GHR: variants seen among roughly 807,000 people sequenced by gnomAD.
GHR encodes the protein growth hormone receptor.
In GHR, 35 loss-of-function variants were observed where a neutral mutation model predicts 67.1. The ratio of observed to expected loss-of-function variants is 0.52; its 90% CI spans 0.40 to 0.69. GHR has a LOEUF of 0.69. GHR is among the 30% of genes least tolerant of loss of function. The pLI, the probability that GHR is intolerant of heterozygous loss-of-function variation, is 0.00. For synonymous variants in GHR, 272 were observed against 269.1 expected, an observed-to-expected ratio of 1.01 and a Z score of -0.10; for missense variants, 792 against 764.6, an observed-to-expected ratio of 1.04 and a Z score of -0.42.
intron 1 of GHR, among the ~76,000 whole-genome samples, chr5:42,551,067 G>T (rs1234176085): frequency 1.3e-5 from 2 of 152,182 alleles, no homozygotes; most frequent in African/African-American, 4.8e-5. Context: ...TCCACTGACA[G>T]ATCCCCTCCC....
chr5:42,432,293 T>A (rs1377350531), intron 1 of GHR, among the ~76,000 whole-genome samples: 1 of 152,206 alleles, frequency 6.6e-6, no homozygotes, highest in Non-Finnish European at 1.5e-5. Flanking sequence ...GCCATATCAA[T>A]GAAAGTAGAG....
At position 42,632,110 on chromosome 5, in the gene GHR, C is replaced by G. The variant is rs147951886; in HGVS notation, c.136+3007C>G. 1.7e-4 allele frequency among the ~76,000 whole-genome samples: 26 copies of G among 152,186 alleles called. No individual in the cohort carries two copies. The South Asian group carries it at 2.7e-3, about 16-fold the overall frequency. On this transcript the variant is annotated intron_variant, in intron 3 of 9. Transcript: ENST00000230882. The stretch of plus-strand genomic sequence containing the variant: ...CTAAGTAAATATCTTTAGTGCTCTC[C>G]CTACTACCTAAACATTAAACTTCAA...
At chr5:42,443,939 T>TGATATAGATATAGATATAGATAGATATA (rs1743691765) in intron 1 of GHR, among the ~76,000 whole-genome samples, 2 of 145,950 alleles carry the variant, frequency 1.4e-5, no homozygotes, top group Non-Finnish European at 3.0e-5. Context: ...CCAGCCAAGG[T>TGATATAGATATAGATATAGATAGATATA]GATATAGATA....
intron 2 of GHR, among the ~76,000 whole-genome samples, chr5:42,592,168 A>G (rs35164552): frequency 0.12 from 17,573 of 152,114 alleles, 1,452 homozygotes; most frequent in Non-Finnish European, 0.16. Context: ...TCACGATGTG[A>G]ATCTTCACAT....
In GHR at chr5:42,572,723, C is replaced by T. The variant is rs1750400706; in HGVS notation, c.70+6779C>T. ...TTATATAACAATTTAACTTAAGCCT[C>T]AACCTTCACAGTGTACGCATCACAT... is the stretch of plus-strand genomic sequence containing the variant. On this transcript the variant is annotated intron_variant, in intron 2 of 9. Coordinates refer to ENST00000230882, the MANE Select transcript of GHR (RefSeq NM_000163.5). 2.6e-5 allele frequency among the ~76,000 whole-genome samples: 4 copies of T among 152,176 alleles called. No homozygotes were observed. In the South Asian group the frequency reaches 8.3e-4, roughly 32 times the overall value.
intron 3 of GHR, among the ~76,000 whole-genome samples, chr5:42,639,933 A>C (rs954989500): frequency 3.9e-5 from 6 of 152,184 alleles, no homozygotes; most frequent in Non-Finnish European, 7.3e-5. Flanking sequence ...AAATTACCTG[A>C]GAGCAATTGA....
At chr5:42,499,285 G>C (rs1311703871) in intron 1 of GHR, among the ~76,000 whole-genome samples, 2 of 152,174 alleles carry the variant, frequency 1.3e-5, no homozygotes, top group African/African-American at 2.4e-5. Context: ...TGGAACTCTA[G>C]CTGGGTAGGG....
intron 2 of GHR, among the ~76,000 whole-genome samples, chr5:42,616,550 G>C (rs1753159869): frequency 1.3e-5 from 2 of 152,002 alleles, no homozygotes; most frequent in Admixed American, 6.6e-5. Flanking sequence ...ACCAACTGAA[G>C]ATACTGAAGA....
At chr5:42,714,962 G>A (rs1758648382) in intron 8 of GHR, among the ~76,000 whole-genome samples, 1 of 152,070 alleles carries the variant, frequency 6.6e-6, no homozygotes, top group African/African-American at 2.4e-5. Flanking sequence ...CATTGTGAAG[G>A]CCAAGTCAAT....
At chr5:42,435,376 T>C (rs1743279339) in intron 1 of GHR, among the ~76,000 whole-genome samples, 1 of 152,204 alleles carries the variant, frequency 6.6e-6, no homozygotes, top group South Asian at 2.1e-4. Context: ...AACTTAGATT[T>C]TAAAGTCAAT....
chr5:42,593,013 T>C (rs184458521), intron 2 of GHR, among the ~76,000 whole-genome samples: 62 of 152,234 alleles, frequency 4.1e-4, no homozygotes, highest in Non-Finnish European at 7.1e-4. Flanking sequence ...TATTTTTTCA[T>C]ATGCTTATTT....
intron 9 of GHR, 29 bp from the exon 10 acceptor site, chr5:42,718,424 T>C (rs1408573925): frequency 3.3e-6 from 5 of 1,525,624 alleles, no homozygotes; most frequent in East Asian, 4.5e-5. Flanking sequence ...TTTCTTTTCA[T>C]AGATCTTCAT....
intron 2 of GHR, among the ~76,000 whole-genome samples, chr5:42,571,818 A>C (rs1034763735): frequency 1.6e-4 from 25 of 152,282 alleles, no homozygotes; most frequent in African/African-American, 5.8e-4. Context: ...CAGTATCCTA[A>C]ATTGTGGCTC....
rs1215430531 is a variant in GHR at position 42,665,454 on chromosome 5, G to T, written c.137-23436G>T. On this transcript the variant is annotated intron_variant, in intron 3 of 9. Coordinates refer to ENST00000230882, the MANE Select transcript of GHR (RefSeq NM_000163.5). ...AGTTCATGTCCTTTGTAGGGACATG[G>T]ATGAAATTGGAAATCATCATTCTGA... Among the ~76,000 whole-genome samples, 4 of 152,110 alleles carry T rather than the reference G, an allele frequency of 2.6e-5. No individual in the cohort carries two copies. In the East Asian group the frequency reaches 7.7e-4, roughly 29 times the overall value.
At chr5:42,633,981 A>T (rs1374423417) in intron 3 of GHR, among the ~76,000 whole-genome samples, 1 of 152,146 alleles carries the variant, frequency 6.6e-6, no homozygotes, top group Non-Finnish European at 1.5e-5. Flanking sequence ...TTGCTTTAGA[A>T]TTGTAGCCTT....
intron 2 of GHR, among the ~76,000 whole-genome samples, chr5:42,618,376 A>T (rs529114879): frequency 9.2e-5 from 14 of 152,266 alleles, no homozygotes; most frequent in Non-Finnish European, 1.3e-4. Context: ...GTGACAGATA[A>T]ATCCGTAAAA....
intron 1 of GHR, among the ~76,000 whole-genome samples, chr5:42,450,677 G>A (rs1043310037): frequency 5.3e-5 from 8 of 151,768 alleles, no homozygotes; most frequent in Non-Finnish European, 8.8e-5. Flanking sequence ...TGCTTTGTTT[G>A]GGTTTGTTTT....
At chr5:42,614,146 G>C (rs549347288) in intron 2 of GHR, among the ~76,000 whole-genome samples, 1 of 152,186 alleles carries the variant, frequency 6.6e-6, no homozygotes, top group East Asian at 1.9e-4. Context: ...ACCATGCTTT[G>C]TTCCCTCCAG....
At position 42,575,773 on chromosome 5, in the gene GHR, T is replaced by C. The variant is rs543062124; in HGVS notation, c.70+9829T>C. 2.6e-3 allele frequency among the ~76,000 whole-genome samples: 391 copies of C among 149,598 alleles called. 1 individual carries two copies. The highest frequency in any genetic ancestry group is 4.5e-3 in the Non-Finnish European group (307 of 67,656). On this transcript the variant is annotated intron_variant, in intron 2 of 9. Transcript: ENST00000230882. ...AAGAGGGGCTGGGCGCGATGGCTCATGCCTGTAATCCCAGCACTTTGGGAG... is the reference window on the plus strand; with the variant it reads ...AAGAGGGGCTGGGCGCGATGGCTCACGCCTGTAATCCCAGCACTTTGGGAG...
Sources: gnomAD v4.1 joint callset for allele counts (sites outside exome capture counted in the v4.1 genomes callset) on GRCh38, gnomAD v4.1.1 for gene constraint, MANE v1.5 for transcripts, NCBI Gene and HGNC (gene_info 2026-07-23, HGNC 2026-07-21) for gene names.